Variants in NOMO2 observed in about 807,000 individuals in gnomAD.
NOMO2 encodes BOS complex subunit NOMO2.
NOMO2 carries 14 observed loss-of-function variants against 67.1 expected under a neutral mutation model. The observed-to-expected ratio is 0.21, with a 90% CI of 0.14 to 0.33. NOMO2 has a LOEUF of 0.33. NOMO2 is among the 10% of genes least tolerant of loss of function. The pLI is 1.00. For missense variants in NOMO2, 178 were observed against 761.0 expected (o/e 0.23, Z 9.01); for synonymous variants, 80 against 305.9 (o/e 0.26, Z 7.71).
chr16:18,544,435 T>A (rs1246633081), intron 6 of NOMO2, among the ~76,000 whole-genome samples: 1 of 152,170 alleles, frequency 6.6e-6, no homozygotes. Context: ...CCTCCTTACA[T>A]ATTTTAAGTT....
At chr16:18,542,407 G>C in intron 8 of NOMO2, 146 bp from the exon 9 acceptor site, 1 of 745,008 alleles carries the variant, frequency 1.3e-6, no homozygotes, top group Non-Finnish European at 2.3e-6. Flanking sequence ...TTCGAAAAGA[G>C]GAAGCCTTGC....
intron 1 of NOMO2, 53 bp from the exon 2 acceptor site, chr16:18,557,844 C>G: frequency 6.3e-7 from 1 of 1,576,428 alleles, no homozygotes; most frequent in Non-Finnish European, 8.6e-7. Context: ...TGGGAATTAA[C>G]TACACATGTT....
At chr16:18,551,160 C>G (rs1275219039) in intron 4 of NOMO2, among the ~76,000 whole-genome samples, 30 of 152,084 alleles carry the variant, frequency 2.0e-4, no homozygotes, top group Admixed American at 1.4e-3. Context: ...GGCAATAGAG[C>G]AAGACCCTGT....
At chr16:18,557,648 T>C (rs1901938899) in intron 2 of NOMO2, 54 bp downstream of exon 2, 1 of 1,611,442 alleles carries the variant, frequency 6.2e-7, no homozygotes, top group Non-Finnish European at 8.5e-7. Context: ...TAATGCAGCC[T>C]GGTGAGGCAC....
chr16:18,555,634 A>T (rs1281892285), intron 2 of NOMO2, among the ~76,000 whole-genome samples: 1 of 149,894 alleles, frequency 6.7e-6, no homozygotes, highest in Non-Finnish European at 1.5e-5. Context: ...TTTGAGATGG[A>T]GCCTCGCTCT....
intron 15 of NOMO2, 27 bp downstream of exon 15, chr16:18,529,474 A>G (rs1283697087): frequency 6.2e-7 from 1 of 1,611,372 alleles, no homozygotes; most frequent in Non-Finnish European, 8.5e-7. Context: ...GCTTTTCCAA[A>G]TAAGAGACTC....
chr16:18,562,051 C>T lies in NOMO2; in HGVS notation c.-11G>A. On this transcript the variant is annotated 5_prime_UTR_variant, in exon 1 of 31. Transcript: ENST00000622306. ...CTGGCCCACCAGCATGGCCCGACCT[C>T]CCCCAGCTAGACCCACCGCCGGCAG... 2 of 1,473,452 alleles carry T rather than the reference C, an allele frequency of 1.4e-6. No homozygotes were observed. The highest frequency in any genetic ancestry group is 8.9e-7 in the Non-Finnish European group (1 of 1,117,412). The allele number at this position is 1,473,452 out of a possible 1,614,324, so 91.3% of individuals were successfully genotyped here.
At position 18,561,987 on chromosome 16, in the gene NOMO2, C is replaced by G. The variant is rs757279399; in HGVS notation, c.54G>C (p.Ala18=). 2 of 1,558,916 alleles carry G rather than the reference C, an allele frequency of 1.3e-6. No homozygotes were observed. Among genetic ancestry groups the G allele is most frequent in the African/African-American group, 2.8e-5 (2 of 71,958 alleles). ...CCACGCCGCTCAGCAGCAGCACCAC[C>G]GCGGCGGTGACCACCGCGGGCCCCA... ...GLLGPAVVTA[A]VVLLLSGVGP... is the part of the protein sequence containing the mutation. The change falls in exon 1 of 31, where the codon GCG becomes GCC. Residue 18 remains alanine, a synonymous_variant. Coordinates refer to ENST00000622306, the MANE Select transcript of NOMO2 (RefSeq NM_173614.4).
Position 18,538,710 on chromosome 16 carries a change from C to A in NOMO2, c.1070-34G>T, listed in dbSNP as rs754493643. On this transcript the variant is annotated intron_variant, in intron 10 of 30. Coordinates refer to ENST00000622306, the MANE Select transcript of NOMO2 (RefSeq NM_173614.4). ...CAAAAACACACAAACAGAAGATAAGCCAAAAATAACAGTGTATCCTTACAT... is the reference window on the plus strand; with the variant it reads ...CAAAAACACACAAACAGAAGATAAGACAAAAATAACAGTGTATCCTTACAT... 5 of 1,613,644 alleles carry A rather than the reference C, an allele frequency of 3.1e-6. No individual in the cohort carries two copies. The Admixed American group carries it at 6.7e-5, about 22-fold the overall frequency.
chr16:18,525,294 C>T (rs528930065), intron 16 of NOMO2, among the ~76,000 whole-genome samples: 3 of 149,460 alleles, frequency 2.0e-5, no homozygotes, highest in Non-Finnish European at 4.5e-5. Flanking sequence ...CGACAGAGCA[C>T]CTCTTCCTGG....
intron 11 of NOMO2, among the ~76,000 whole-genome samples, chr16:18,536,087 T>A (rs545187906): frequency 6.6e-6 from 1 of 152,170 alleles, no homozygotes; most frequent in South Asian, 2.1e-4. Context: ...TGAGCCACCA[T>A]GCCCGGCCAA....
At chr16:18,549,400 T>A (rs1901727513) in intron 5 of NOMO2, 121 bp downstream of exon 5, 6 of 1,597,282 alleles carry the variant, frequency 3.8e-6, no homozygotes, top group Non-Finnish European at 4.3e-6. Context: ...TCACCCAAAG[T>A]TAAGAGGCTG....
intron 16 of NOMO2, among the ~76,000 whole-genome samples, chr16:18,526,645 A>G (rs1679729609): frequency 6.6e-6 from 1 of 151,690 alleles, no homozygotes; most frequent in Non-Finnish European, 1.5e-5. Flanking sequence ...ATGTTAAATA[A>G]AAGAAGCCAA....
chr16:18,557,054 G>T (rs185238613), intron 2 of NOMO2, among the ~76,000 whole-genome samples: 2 of 151,968 alleles, frequency 1.3e-5, no homozygotes, highest in Non-Finnish European at 1.5e-5. Context: ...TTGAACCTGG[G>T]GGGTGGAGGT....
chr16:18,555,515 G>T (rs1596862155), intron 2 of NOMO2, among the ~76,000 whole-genome samples: 1 of 150,460 alleles, frequency 6.6e-6, no homozygotes, highest in South Asian at 2.1e-4. Flanking sequence ...AGCATGGGCA[G>T]CGGAGGGAGA....
At chr16:18,550,511 C>G (rs1308640246) in intron 4 of NOMO2, among the ~76,000 whole-genome samples, 2 of 151,578 alleles carry the variant, frequency 1.3e-5, no homozygotes, top group African/African-American at 4.9e-5. Flanking sequence ...TCCCCGTCAC[C>G]GCAAAGGTAG....
At chr16:18,561,154 C>A (rs1596865562) in intron 1 of NOMO2, among the ~76,000 whole-genome samples, 1 of 69,506 alleles carries the variant, frequency 1.4e-5, no homozygotes, top group African/African-American at 6.0e-5. Context: ...AAACATTTAA[C>A]AGGACTTTAC....
chr16:18,535,496 T>C (rs2434755), intron 11 of NOMO2, among the ~76,000 whole-genome samples: 3 of 152,088 alleles, frequency 2.0e-5, no homozygotes, highest in African/African-American at 4.8e-5. Context: ...CCTCCATCTC[T>C]GTGAACAGCG....
At chr16:18,531,394 G>C in intron 13 of NOMO2, 72 bp downstream of exon 13, 1 of 1,612,388 alleles carries the variant, frequency 6.2e-7, no homozygotes, top group Non-Finnish European at 8.5e-7. Flanking sequence ...AAAAGGAAAA[G>C]TTTCCCAAAT....
Sources: allele counts gnomAD v4.1 joint callset (sites outside exome capture counted in the v4.1 genomes callset), GRCh38; gene constraint gnomAD v4.1.1; transcripts MANE v1.5; gene names NCBI Gene and HGNC (gene_info 2026-07-23, HGNC 2026-07-21).